Variants in TMEM117 observed in about 807,000 individuals in gnomAD.
The protein encoded by TMEM117 is transmembrane protein 117.
TMEM117 carries 27 observed loss-of-function variants against 52.4 expected under a neutral mutation model. The ratio of observed to expected loss-of-function variants is 0.51; its 90% CI spans 0.38 to 0.71. TMEM117 has a LOEUF of 0.71. TMEM117 is among the 30% of genes least tolerant of loss of function. The pLI is 0.00. For missense variants in TMEM117, 556 were observed against 630.5 expected (o/e 0.88, Z 1.26); for synonymous variants, 215 against 206.3 (o/e 1.04, Z -0.36).
At position 43,887,712 on chromosome 12, in the gene TMEM117, G is replaced by A. The variant is rs75080704; in HGVS notation, c.277+42784G>A. On this transcript the variant is annotated intron_variant, in intron 2 of 7. Transcript: ENST00000266534. ...GAAGTTACACTTATGACGGCAGAAAGTTCAGCAGAAGTTGTACTTATTTAG... is the reference window on the plus strand; with the variant it reads ...GAAGTTACACTTATGACGGCAGAAAATTCAGCAGAAGTTGTACTTATTTAG... Among the ~76,000 whole-genome samples the A allele has an allele frequency of 7.6e-3, 1,160 of 152,332 alleles. 12 individuals are homozygous for A. Among genetic ancestry groups the A allele is most frequent in the African/African-American group, 0.025 (1,057 of 41,568 alleles).
the TMEM117 span, among the ~76,000 whole-genome samples, chr12:43,796,214 T>C: frequency 6.6e-6 from 1 of 152,128 alleles, no homozygotes; most frequent in African/African-American, 2.4e-5. Flanking sequence ...ACAGAGATTA[T>C]ATGTGGCTTG....
chr12:43,809,242 C>A, the TMEM117 span, among the ~76,000 whole-genome samples: 3 of 152,154 alleles, frequency 2.0e-5, no homozygotes, highest in Non-Finnish European at 4.4e-5. Context: ...TGAATTGAAA[C>A]CTTTTTGATA....
chr12:44,290,937 C>A (rs918103086), intron 5 of TMEM117, among the ~76,000 whole-genome samples: 18 of 152,160 alleles, frequency 1.2e-4, no homozygotes, highest in African/African-American at 4.3e-4. Flanking sequence ...CTGTGCCTGG[C>A]CCTGCTGTAC....
At chr12:44,033,514 T>A (rs1946664874) in intron 3 of TMEM117, among the ~76,000 whole-genome samples, 1 of 152,180 alleles carries the variant, frequency 6.6e-6, no homozygotes, top group African/African-American at 2.4e-5. Context: ...ATTTCCATAA[T>A]ATGTCCTTGA....
At chr12:44,323,502 C>T (rs745789445) in intron 6 of TMEM117, among the ~76,000 whole-genome samples, 17 of 152,174 alleles carry the variant, frequency 1.1e-4, no homozygotes, top group Admixed American at 8.5e-4. Context: ...ATCCAGCTCA[C>T]GGGCTCATCC....
At chr12:44,249,126 T>C (rs1449557474) in intron 5 of TMEM117, 1 of 152,200 alleles carries the variant, frequency 6.6e-6, no homozygotes, top group African/African-American at 2.4e-5. Context: ...GCATCTCACA[T>C]AGCAGAGCAG....
chr12:44,191,652 T>C (rs1264299626), intron 4 of TMEM117, among the ~76,000 whole-genome samples: 1 of 152,118 alleles, frequency 6.6e-6, no homozygotes, highest in Non-Finnish European at 1.5e-5. Flanking sequence ...ATAATGACCA[T>C]ACATATTGGG....
intron 2 of TMEM117, among the ~76,000 whole-genome samples, chr12:43,887,762 T>C (rs1425732645): frequency 6.6e-6 from 1 of 152,220 alleles, no homozygotes; most frequent in African/African-American, 2.4e-5. Context: ...CTGGGGTAGC[T>C]TCAATAGCCA....
intron 4 of TMEM117, among the ~76,000 whole-genome samples, chr12:44,162,761 A>T (rs1948914621): frequency 6.6e-6 from 1 of 152,160 alleles, no homozygotes; most frequent in Non-Finnish European, 1.5e-5. Context: ...TCTTGCCTCC[A>T]TTTCATAAAA....
chr12:44,280,762 G>A (rs1341430880), intron 5 of TMEM117, among the ~76,000 whole-genome samples: 1 of 148,558 alleles, frequency 6.7e-6, no homozygotes, highest in Non-Finnish European at 1.5e-5. Context: ...AATTCAAAAA[G>A]CAATCCTATT....
At chr12:44,104,227 A>AT (rs558445030) in intron 3 of TMEM117, among the ~76,000 whole-genome samples, 70 of 152,180 alleles carry the variant, frequency 4.6e-4, no homozygotes, top group African/African-American at 1.6e-3. Flanking sequence ...TATATTAACT[A>AT]TAACAGGAAT....
At chr12:43,848,311 G>A (rs1943246759) in intron 2 of TMEM117, among the ~76,000 whole-genome samples, 1 of 152,110 alleles carries the variant, frequency 6.6e-6, no homozygotes, top group East Asian at 1.9e-4. Flanking sequence ...CTCAACCCTA[G>A]TAAGCCTGAG....
chr12:44,276,159 T>G (rs1413982834), intron 5 of TMEM117, among the ~76,000 whole-genome samples: 3 of 152,098 alleles, frequency 2.0e-5, no homozygotes. Flanking sequence ...GGATATGAAA[T>G]GAGTATGTCA....
chr12:44,303,935 G>A (rs2138652458), intron 6 of TMEM117, among the ~76,000 whole-genome samples: 1 of 152,224 alleles, frequency 6.6e-6, no homozygotes, highest in South Asian at 2.1e-4. Context: ...AAAAAAGTGG[G>A]ACAAATGGAG....
intron 3 of TMEM117, among the ~76,000 whole-genome samples, chr12:44,107,632 T>C (rs987975613): frequency 6.6e-6 from 1 of 152,138 alleles, no homozygotes; most frequent in African/African-American, 2.4e-5. Context: ...ATTTTTCGAC[T>C]ATTTCTAATG....
chr12:44,321,159 T>C (rs1951124390), intron 6 of TMEM117, among the ~76,000 whole-genome samples: 1 of 152,244 alleles, frequency 6.6e-6, no homozygotes, highest in Admixed American at 6.5e-5. Context: ...CTGTTGACAT[T>C]AGACAATTCC....
intron 3 of TMEM117, among the ~76,000 whole-genome samples, chr12:44,023,426 T>C (rs1164944317): frequency 3.3e-5 from 5 of 152,088 alleles, no homozygotes; most frequent in Admixed American, 1.3e-4. Context: ...GTTGAACTAG[T>C]TTACAGTCCC....
Position 43,967,891 on chromosome 12 carries a change from G to A in TMEM117, c.410+23549G>A, listed in dbSNP as rs113055992. 8.8e-3 allele frequency among the ~76,000 whole-genome samples: 1,334 copies of A among 152,342 alleles called. 31 individuals are homozygous for A. The highest frequency in any genetic ancestry group is 0.03 in the African/African-American group (1,241 of 41,588). Reference sequence around the variant, plus strand: ...AAAATACACAGAAACATGCGTGTGCGTGTGGACACGCACACATACACAGAA... The same window carrying A: ...AAAATACACAGAAACATGCGTGTGCATGTGGACACGCACACATACACAGAA... On this transcript the variant is annotated intron_variant, in intron 3 of 7. Coordinates refer to ENST00000266534, the MANE Select transcript of TMEM117 (RefSeq NM_032256.3).
At chr12:43,806,244 A>G in the TMEM117 span, 2 of 1,528,252 alleles carry the variant, frequency 1.3e-6, no homozygotes, top group South Asian at 1.2e-5. Flanking sequence ...CTGGTGGGAC[A>G]TGGCGGCGGC....
Sources: allele counts gnomAD v4.1 joint callset (sites outside exome capture counted in the v4.1 genomes callset), GRCh38; gene constraint gnomAD v4.1.1; transcripts MANE v1.5; gene names NCBI Gene and HGNC (gene_info 2026-07-23, HGNC 2026-07-21).